The following ZNF723 variants were observed in gnomAD, a reference collection of about 807,000 sequenced individuals.
ZNF723 encodes the protein zinc finger protein 723, pseudogene.
Under a neutral mutation model 9.4 loss-of-function variants are expected in ZNF723, and 5 were observed. That is an observed-to-expected ratio of 0.53 (90% CI 0.28 to 1.12). The LOEUF is 1.12. Among genes scored for constraint, ZNF723 ranks in the 50% most tolerant of loss-of-function variants. ZNF723 has a pLI of 0.10. For synonymous variants in ZNF723, 158 were observed against 168.8 expected (o/e 0.94, Z 0.49); for missense variants, 450 against 501.5 (o/e 0.90, Z 0.98).
chr19:22,837,386 T>C lies in ZNF723; in HGVS notation c.3+5004T>C, dbSNP rs77761262. 6.6e-5 allele frequency among the ~76,000 whole-genome samples: 10 copies of C among 152,076 alleles called. No homozygotes were observed. In the East Asian group the frequency reaches 1.9e-3, roughly 29 times the overall value. On this transcript the variant is annotated intron_variant, in intron 1 of 3. Transcript: ENST00000600766. ...ACTGGCATCTGCAATAAGGACAATATTGTGGGACTGAGCCCTGAACCAAGG... is the reference window on the plus strand; with the variant it reads ...ACTGGCATCTGCAATAAGGACAATACTGTGGGACTGAGCCCTGAACCAAGG...
At chr19:22,822,851 G>A in the ZNF723 span, among the ~76,000 whole-genome samples, 2,655 of 152,184 alleles carry the variant, frequency 0.017, 64 homozygotes, top group African/African-American at 0.061. Flanking sequence ...AACAGAGTGA[G>A]ACTCCATCTC....
rs552361076 is a variant in ZNF723, at chr19:22,857,656, A to G, written c.765A>G (p.Lys255=). Residue 255 remains lysine, a synonymous_variant, in exon 4 of 4, where the codon AAA becomes AAG. Coordinates refer to ENST00000600766, the MANE Select transcript of ZNF723 (RefSeq NM_001349726.2). ...ATAAGAGAATTCATACTGGAGAGAA[A>G]CCCTACAAATGTGAAGAATGTGGCA... ...NNHKRIHTGE[K]PYKCEECGKT... 3 of 1,270,916 alleles carry G rather than the reference A, an allele frequency of 2.4e-6. No homozygotes were observed. Among genetic ancestry groups the G allele is most frequent in the African/African-American group, 2.9e-5 (2 of 68,138 alleles). 78.7% of individuals were successfully genotyped at this position (1,270,916 alleles called of 1,614,324 possible). A position where few individuals can be genotyped will look rare whatever the true frequency, so the allele number is the denominator to read the frequency against.
intron 1 of ZNF723, chr19:22,840,696 G>C (rs1428381229): frequency 6.6e-6 from 1 of 152,104 alleles, no homozygotes; most frequent in South Asian, 2.1e-4. Context: ...TTGGGTTTCT[G>C]TTTCAGAAGC....
the ZNF723 span, among the ~76,000 whole-genome samples, chr19:22,815,349 G>C: frequency 2.1e-4 from 32 of 152,160 alleles, no homozygotes; most frequent in East Asian, 3.7e-3. Context: ...TATATCACTG[G>C]ACCCAGGCAC....
At chr19:22,821,937 C>A in the ZNF723 span, among the ~76,000 whole-genome samples, 1 of 152,180 alleles carries the variant, frequency 6.6e-6, no homozygotes, top group East Asian at 1.9e-4. Flanking sequence ...GGTGAAACCC[C>A]ATCTCTACTA....
rs974566967 is a variant in ZNF723 at position 22,840,064 on chromosome 19, G to A, written c.3+7682G>A. ...TGCAAACATATTATTCTATTCTGTA[G>A]GTTGTCTGTTTACTCTGTTGATAGT... On this transcript the variant is annotated intron_variant, in intron 1 of 3. Transcript: ENST00000600766. Among the ~76,000 whole-genome samples, 3 of 152,102 alleles carry A rather than the reference G, an allele frequency of 2.0e-5. No individual in the cohort carries two copies. In the South Asian group the frequency reaches 6.2e-4, roughly 32 times the overall value.
intron 3 of ZNF723, among the ~76,000 whole-genome samples, chr19:22,856,121 A>G (rs929501328): frequency 6.6e-6 from 1 of 151,850 alleles, no homozygotes; most frequent in African/African-American, 2.4e-5. Flanking sequence ...CACCACACCC[A>G]GCTAATTTTT....
intron 1 of ZNF723, among the ~76,000 whole-genome samples, chr19:22,837,580 A>G (rs1967182853): frequency 6.6e-6 from 1 of 152,148 alleles, no homozygotes; most frequent in Non-Finnish European, 1.5e-5. Flanking sequence ...TTTCCTGTAC[A>G]CAGGCCGTCA....
intron 1 of ZNF723, chr19:22,841,031 T>C (rs926245607): frequency 3.9e-5 from 6 of 152,418 alleles, no homozygotes; most frequent in African/African-American, 1.4e-4. Flanking sequence ...CAATGGCAGA[T>C]AGTAGGCGTC....
chr19:22,843,800 C>A (rs530278118), intron 1 of ZNF723, among the ~76,000 whole-genome samples: 48 of 152,170 alleles, frequency 3.2e-4, no homozygotes, highest in Admixed American at 1.4e-3. Flanking sequence ...CTAATAATTA[C>A]CCTAGAGAAC....
intron 1 of ZNF723, among the ~76,000 whole-genome samples, chr19:22,842,416 G>T (rs922317398): frequency 6.6e-5 from 10 of 152,204 alleles, no homozygotes; most frequent in Admixed American, 5.9e-4. Flanking sequence ...AAATTTTAAT[G>T]ATGTATATCC....
chr19:22,816,497 A>G, the ZNF723 span, among the ~76,000 whole-genome samples: 2 of 152,212 alleles, frequency 1.3e-5, no homozygotes, highest in African/African-American at 4.8e-5. Context: ...CTTAGACCCA[A>G]CATACAGGAG....
chr19:22,849,243 GA>G lies in ZNF723; in HGVS notation c.180del (p.Glu61SerfsTer5). 6.8e-6 allele frequency: 4 copies of G among 592,390 alleles called. No individual in the cohort carries two copies. Among genetic ancestry groups the G allele is most frequent in the South Asian group, 4.7e-5 (2 of 42,338 alleles). The allele number at this position is 592,390 out of a possible 1,614,324, so 36.7% of individuals were successfully genotyped here. A position where few individuals can be genotyped will look rare whatever the true frequency, so the allele number is the denominator to read the frequency against. On this transcript the variant is annotated frameshift_variant, in exon 3 of 4. Transcript: ENST00000600766. LOFTEE classifies it low-confidence loss of function (END_TRUNC). ...KPDLITCLEQ[G>X]KEPWNMKRHK... ...GATTTAATCACCTGTCTGGAGCAAG[GA>G]AAAGAGCCCTGGAATATGAAGAGAC... is the stretch of plus-strand genomic sequence containing the variant.
At chr19:22,853,057 T>C (rs1223622081) in intron 3 of ZNF723, among the ~76,000 whole-genome samples, 1 of 152,152 alleles carries the variant, frequency 6.6e-6, no homozygotes, top group Non-Finnish European at 1.5e-5. Context: ...GAAATTTGCA[T>C]TGCTTTTAGT....
chr19:22,838,556 AG>A lies in ZNF723; in HGVS notation c.3+6175del, dbSNP rs202118337. On this transcript the variant is annotated intron_variant, in intron 1 of 3. Transcript: ENST00000600766. The stretch of plus-strand genomic sequence containing the variant: ...GACAAAGCTAGACTCTGTCTCAAAA[AG>A]AAAAAAAAAGAACATGCATTTGCTT... Among the ~76,000 whole-genome samples the A allele has an allele frequency of 2.2e-4, 34 of 151,116 alleles. No individual in the cohort carries two copies. The South Asian group carries it at 2.7e-3, about 12-fold the overall frequency.
the ZNF723 span, among the ~76,000 whole-genome samples, chr19:22,822,911 G>A: frequency 6.6e-6 from 1 of 152,128 alleles, no homozygotes; most frequent in Non-Finnish European, 1.5e-5. Context: ...CCAACAATGA[G>A]GGCTGTCATT....
At chr19:22,814,698 C>A in the ZNF723 span, among the ~76,000 whole-genome samples, 1 of 152,148 alleles carries the variant, frequency 6.6e-6, no homozygotes, top group East Asian at 1.9e-4. Flanking sequence ...CATCCCTAGA[C>A]CTTCTTGCAC....
Position 22,858,308 on chromosome 19 carries a change from A to G in ZNF723, c.1417A>G (p.Ile473Val). Residue 473 changes from isoleucine to valine, a missense_variant, in exon 4 of 4, where the codon ATA becomes GTA. Ile to Val is a conservative substitution (Grantham distance 29). Coordinates refer to ENST00000600766, the MANE Select transcript of ZNF723 (RefSeq NM_001349726.2). ...ATATTCAACCCTTAATAAACATAAG[A>G]TAATTCATGCTAGAGAGAAGCCTTA... ...NQYSTLNKHK[I>V]IHAREKPYKC... 2 of 1,185,200 alleles carry G rather than the reference A, an allele frequency of 1.7e-6. No homozygotes were observed. Among genetic ancestry groups the G allele is most frequent in the South Asian group, 2.5e-5 (2 of 80,440 alleles). 73.4% of individuals were successfully genotyped at this position (1,185,200 alleles called of 1,614,324 possible). A position where few individuals can be genotyped will look rare whatever the true frequency, so the allele number is the denominator to read the frequency against.
chr19:22,857,627 A>C lies in ZNF723; in HGVS notation c.736A>C (p.Asn246His), dbSNP rs1225775380. ...KAFNVSSSLN[N>H]HKRIHTGEKP... ...CTTTAATGTGTCCTCAAGCCTTAAT[A>C]ATCATAAGAGAATTCATACTGGAGA... The change falls in exon 4 of 4, where the codon AAT becomes CAT. Residue 246 changes from asparagine (N) to histidine (H), a missense_variant. Physicochemically the swap from Asn to His is moderately conservative, Grantham distance 68. This residue lies in a region of ZNF723 where 237 missense variants were observed against 332.2 expected (regional missense o/e 0.71). Transcript: ENST00000600766. The C allele has an allele frequency of 7.8e-7, 1 of 1,289,016 alleles. No individual in the cohort carries two copies. Among genetic ancestry groups the C allele is most frequent in the Non-Finnish European group, 1.1e-6 (1 of 884,744 alleles). 79.8% of individuals were successfully genotyped at this position (1,289,016 alleles called of 1,614,324 possible). A position where few individuals can be genotyped will look rare whatever the true frequency, so the allele number is the denominator to read the frequency against.
Sources: gnomAD v4.1 joint callset for allele counts (sites outside exome capture counted in the v4.1 genomes callset) on GRCh38, gnomAD v4.1.1 for gene constraint, gnomAD v4.1.1 regional missense constraint, MANE v1.5 for transcripts, NCBI Gene and HGNC (gene_info 2026-07-23, HGNC 2026-07-21) for gene names.